Variants in COG6 observed in about 807,000 individuals in gnomAD.
The protein encoded by COG6 is component of oligomeric golgi complex 6.
Under a neutral mutation model 88.8 loss-of-function variants are expected in COG6, and 74 were observed. That is an observed-to-expected ratio of 0.83 (90% CI 0.69 to 1.01). The LOEUF is 1.01. COG6 is among the 50% of genes least tolerant of loss of function. The pLI is 0.00. For missense variants in COG6, 800 were observed against 797.9 expected, an observed-to-expected ratio of 1.00 and a Z score of -0.03; for synonymous variants, 286 against 278.7, an observed-to-expected ratio of 1.03 and a Z score of -0.26.
rs1880630088 is a variant in COG6, at chr13:39,751,480, C to T, written c.*387C>T. The T allele has an allele frequency of 2.4e-6, 3 of 1,253,444 alleles. No homozygotes were observed. The highest frequency in any genetic ancestry group is 1.2e-5 in the South Asian group (1 of 80,180). 77.6% of individuals were successfully genotyped at this position (1,253,444 alleles called of 1,614,324 possible). On this transcript the variant is annotated 3_prime_UTR_variant, in exon 19 of 19. Coordinates refer to ENST00000455146, the MANE Select transcript of COG6 (RefSeq NM_020751.3). The stretch of plus-strand genomic sequence containing the variant: ...TTAATAATTAGTATAAGGATATGAC[C>T]TAATAAATGTCTCCTTACCTAAAGA...
At chr13:39,659,568 C>A in intron 2 of COG6, 61 bp downstream of exon 2, 2 of 1,445,562 alleles carry the variant, frequency 1.4e-6, no homozygotes, top group Non-Finnish European at 1.9e-6. Flanking sequence ...TGGCTCTGTG[C>A]TAAGTATTTT....
chr13:39,779,905 G>C (rs1228876063), intron 18 of COG6, among the ~76,000 whole-genome samples: 1 of 152,124 alleles, frequency 6.6e-6, no homozygotes, highest in Non-Finnish European at 1.5e-5. Context: ...TATTATCCTA[G>C]ATTAAATAAA....
intron 18 of COG6, among the ~76,000 whole-genome samples, chr13:39,731,072 C>T (rs752681780): frequency 4.5e-4 from 69 of 152,032 alleles, no homozygotes; most frequent in Non-Finnish European, 7.9e-4. Flanking sequence ...ATACACCTGC[C>T]TTGACCTCCC....
At chr13:39,743,854 A>G (rs1159738817) in intron 18 of COG6, among the ~76,000 whole-genome samples, 2 of 152,330 alleles carry the variant, frequency 1.3e-5, no homozygotes, top group East Asian at 3.9e-4. Flanking sequence ...AAAATCCTCA[A>G]TAAAATACTG....
chr13:39,709,263 A>G (rs1316547989), intron 13 of COG6, among the ~76,000 whole-genome samples: 1 of 152,316 alleles, frequency 6.6e-6, no homozygotes, highest in African/African-American at 2.4e-5. Flanking sequence ...TGTTCCATAC[A>G]TAATAGTTCC....
intron 13 of COG6, among the ~76,000 whole-genome samples, chr13:39,713,873 G>T (rs1878377786): frequency 6.6e-6 from 1 of 152,166 alleles, no homozygotes; most frequent in Non-Finnish European, 1.5e-5. Flanking sequence ...TCTGCTACAG[G>T]ATTTTATAGT....
intron 6 of COG6, 55 bp downstream of exon 6, chr13:39,679,675 A>T: frequency 9.7e-7 from 1 of 1,035,978 alleles, no homozygotes; most frequent in Non-Finnish European, 1.5e-6. Context: ...CCAAAATTTT[A>T]AAGATATTCT....
chr13:39,716,083 C>A (rs1878515090), intron 13 of COG6, among the ~76,000 whole-genome samples: 1 of 151,906 alleles, frequency 6.6e-6, no homozygotes, highest in South Asian at 2.1e-4. Context: ...ACTGAAGAAA[C>A]TGTGGAACTT....
chr13:39,768,534 C>G (rs1314497235), intron 18 of COG6, among the ~76,000 whole-genome samples: 1 of 152,182 alleles, frequency 6.6e-6, no homozygotes, highest in Admixed American at 6.5e-5. Flanking sequence ...AAAAACAAAC[C>G]TGGATAATCA....
intron 8 of COG6, 68 bp downstream of exon 8, chr13:39,682,332 G>T (rs1000164141): frequency 1.1e-6 from 1 of 885,350 alleles, no homozygotes; most frequent in Admixed American, 1.8e-5. Flanking sequence ...TTAAATTTTA[G>T]TATTATCAAA....
At chr13:39,761,669 A>T (rs1356431652) in intron 18 of COG6, among the ~76,000 whole-genome samples, 2 of 151,914 alleles carry the variant, frequency 1.3e-5, no homozygotes, top group African/African-American at 4.8e-5. Context: ...GACCTCAAAC[A>T]ACTGAGCAAC....
At chr13:39,725,703 A>C (rs1339823400) in intron 17 of COG6, among the ~76,000 whole-genome samples, 1 of 137,318 alleles carries the variant, frequency 7.3e-6, no homozygotes, top group Admixed American at 6.9e-5. Context: ...TGAAACAAAA[A>C]CATAGTAGCA....
At chr13:39,756,955 C>T (rs981198801), downstream of COG6, among the ~76,000 whole-genome samples, 2 of 152,050 alleles carry the variant, frequency 1.3e-5, no homozygotes, top group South Asian at 2.1e-4. Flanking sequence ...ACAAGGAAAT[C>T]GAACACTCAG....
At chr13:39,722,863 C>G (rs1878922648) in intron 15 of COG6, among the ~76,000 whole-genome samples, 1 of 152,012 alleles carries the variant, frequency 6.6e-6, no homozygotes, top group African/African-American at 2.4e-5. Context: ...ACAGACCTGC[C>G]TTATCCTCAG....
chr13:39,727,729 T>G (rs1408539449), intron 18 of COG6, among the ~76,000 whole-genome samples, 181 bp downstream of exon 18: 1 of 152,180 alleles, frequency 6.6e-6, no homozygotes, highest in East Asian at 1.9e-4. Flanking sequence ...TCTGTACTTA[T>G]TCCATGTCTA....
exon 19 of COG6, chr13:39,788,525 G>C: frequency 1.6e-6 from 1 of 633,228 alleles, no homozygotes; most frequent in Non-Finnish European, 2.8e-6. Context: ...AATGCTGTGA[G>C]GGATGAACCA....
At chr13:39,790,616 T>C (rs1246869941) in exon 19 of COG6, 3 of 152,112 alleles carry the variant, frequency 2.0e-5, no homozygotes, top group Non-Finnish European at 4.4e-5. Context: ...AAGAATCATC[T>C]CCTGTAGTTA....
At chr13:39,716,712 A>G (rs1352956941) in intron 13 of COG6, among the ~76,000 whole-genome samples, 1 of 152,164 alleles carries the variant, frequency 6.6e-6, no homozygotes, top group Non-Finnish European at 1.5e-5. Context: ...TACAATTAGC[A>G]TCTTAATTTA....
At chr13:39,660,264 T>C (rs888840956) in intron 2 of COG6, among the ~76,000 whole-genome samples, 1 of 152,100 alleles carries the variant, frequency 6.6e-6, no homozygotes, top group Non-Finnish European at 1.5e-5. Flanking sequence ...GGTATGATCA[T>C]AGTACACTAC....
Sources: gnomAD v4.1 joint callset for allele counts (sites outside exome capture counted in the v4.1 genomes callset) on GRCh38, gnomAD v4.1.1 for gene constraint, MANE v1.5 for transcripts, NCBI Gene and HGNC (gene_info 2026-07-23, HGNC 2026-07-21) for gene names.